DPP10: variants seen among roughly 807,000 people sequenced by gnomAD.
DPP10 encodes the protein inactive dipeptidyl peptidase 10.
A neutral mutation model predicts 120.9 loss-of-function variants in DPP10; 33 were observed. The observed-to-expected ratio is 0.27, with a 90% CI of 0.21 to 0.37. DPP10 has a LOEUF of 0.37. DPP10 is among the 10% of genes least tolerant of loss of function. The pLI is 1.00. For missense variants in DPP10, 816 were observed against 942.8 expected, an observed-to-expected ratio of 0.87 and a Z score of 1.76; for synonymous variants, 337 against 326.1, an observed-to-expected ratio of 1.03 and a Z score of -0.36.
chr2:115,211,238 A>AT (rs11457365), intron 1 of DPP10, among the ~76,000 whole-genome samples: 104,501 of 145,512 alleles, frequency 0.72, 37,614 homozygotes, highest in East Asian at 0.89. Context: ...GGTCTTACTG[A>AT]TTTTTTTTTT....
chr2:115,233,698 C>T (rs1439782443), intron 1 of DPP10, among the ~76,000 whole-genome samples: 1 of 152,180 alleles, frequency 6.6e-6, no homozygotes, highest in Non-Finnish European at 1.5e-5. Context: ...AAATTGACAG[C>T]AGAGTCTGCC....
At chr2:115,626,555 A>T (rs6542281) in intron 5 of DPP10, among the ~76,000 whole-genome samples, 41,053 of 151,944 alleles carry the variant, frequency 0.27, 8,657 homozygotes, top group African/African-American at 0.59. Flanking sequence ...CTTGTTTTTT[A>T]TTATAGTTGT....
At chr2:114,453,654 A>G (rs1678408468) in intron 1 of DPP10, among the ~76,000 whole-genome samples, 1 of 152,196 alleles carries the variant, frequency 6.6e-6, no homozygotes, top group African/African-American at 2.4e-5. Context: ...GATATGCAAC[A>G]GTTGACACTG....
chr2:115,538,257 G>GCCA (rs1292339448), intron 5 of DPP10, among the ~76,000 whole-genome samples: 2 of 151,952 alleles, frequency 1.3e-5, no homozygotes, highest in East Asian at 3.9e-4. Flanking sequence ...CTGAATACTA[G>GCCA]TTAGGTGTAG....
chr2:115,381,371 ACGTAGTTCT>A (rs2066338046), intron 3 of DPP10, among the ~76,000 whole-genome samples: 1 of 151,878 alleles, frequency 6.6e-6, no homozygotes, highest in Admixed American at 6.6e-5. Flanking sequence ...TGCACTCTTC[ACGTAGTTCT>A]CCAGCCTTGG....
intron 3 of DPP10, among the ~76,000 whole-genome samples, chr2:115,408,146 G>A (rs1234255547): frequency 6.6e-6 from 1 of 151,902 alleles, no homozygotes; most frequent in South Asian, 2.1e-4. Context: ...GTTCACAAGG[G>A]GACTTAGGTG....
chr2:114,481,572 G>C (rs1183212096), intron 1 of DPP10, among the ~76,000 whole-genome samples: 1 of 152,042 alleles, frequency 6.6e-6, no homozygotes, highest in Non-Finnish European at 1.5e-5. Context: ...GTACACAATA[G>C]CTTTACTTAA....
chr2:115,005,694 C>G (rs1353903029), intron 1 of DPP10, among the ~76,000 whole-genome samples: 1 of 151,934 alleles, frequency 6.6e-6, no homozygotes, highest in Non-Finnish European at 1.5e-5. Context: ...ATGAGCAAAG[C>G]CTCCAAGAAA....
At chr2:115,055,820 A>C (rs1015295766) in intron 1 of DPP10, among the ~76,000 whole-genome samples, 4 of 152,170 alleles carry the variant, frequency 2.6e-5, no homozygotes, top group African/African-American at 9.7e-5. Context: ...TAAAATTTTT[A>C]CTCTCATAAA....
At chr2:115,708,108 CAG>C (rs1033996778) in intron 7 of DPP10, among the ~76,000 whole-genome samples, 9 of 151,830 alleles carry the variant, frequency 5.9e-5, no homozygotes, top group Non-Finnish European at 8.8e-5. Flanking sequence ...CAAACATAAT[CAG>C]AGACAAAATA....
At chr2:115,414,911 G>T (rs1280544057) in intron 3 of DPP10, among the ~76,000 whole-genome samples, 1 of 152,098 alleles carries the variant, frequency 6.6e-6, no homozygotes, top group South Asian at 2.1e-4. Flanking sequence ...CACTACTGTT[G>T]ACCCCAATAT....
intron 1 of DPP10, among the ~76,000 whole-genome samples, chr2:114,656,191 T>G (rs2105514939): frequency 6.6e-6 from 1 of 152,274 alleles, no homozygotes; most frequent in Non-Finnish European, 1.5e-5. Context: ...TTGCAAAAAC[T>G]TTGGCCAAAT....
chr2:114,696,342 A>G (rs1700065829), intron 1 of DPP10, among the ~76,000 whole-genome samples: 1 of 152,090 alleles, frequency 6.6e-6, no homozygotes, highest in Admixed American at 6.6e-5. Context: ...AATCTTATAC[A>G]AGTTTAAAAG....
intron 1 of DPP10, among the ~76,000 whole-genome samples, chr2:114,448,745 T>C (rs1573375449): frequency 6.6e-6 from 1 of 152,304 alleles, no homozygotes; most frequent in East Asian, 1.9e-4. Context: ...GAATGATACT[T>C]AGGGTTATTA....
At chr2:114,720,469 T>C (rs563177279) in intron 1 of DPP10, among the ~76,000 whole-genome samples, 2 of 152,310 alleles carry the variant, frequency 1.3e-5, no homozygotes, top group South Asian at 2.1e-4. Flanking sequence ...TCTTCAGTTA[T>C]ATTTGGAAAG....
At chr2:114,531,635 ATTGG>A (rs3981257) in intron 1 of DPP10, among the ~76,000 whole-genome samples, 44,742 of 150,318 alleles carry the variant, frequency 0.3, 7,263 homozygotes, top group Non-Finnish European at 0.37. Context: ...CATATCTCCT[ATTGG>A]TTCTGTTTCT....
At chr2:115,679,009 C>G (rs2090470358) in intron 5 of DPP10, among the ~76,000 whole-genome samples, 1 of 152,152 alleles carries the variant, frequency 6.6e-6, no homozygotes, top group African/African-American at 2.4e-5. Context: ...GTGCCTATAC[C>G]CCCATTATAT....
intron 1 of DPP10, among the ~76,000 whole-genome samples, chr2:115,202,336 A>C (rs1483852292): frequency 6.6e-6 from 1 of 152,228 alleles, no homozygotes; most frequent in Non-Finnish European, 1.5e-5. Flanking sequence ...CTAGTTTGTC[A>C]CAAAATGAAA....
chr2:114,473,806 A>G (rs1447377599), intron 1 of DPP10, among the ~76,000 whole-genome samples: 1 of 152,218 alleles, frequency 6.6e-6, no homozygotes, highest in African/African-American at 2.4e-5. Context: ...AAGTAATGTA[A>G]ACACTGACAT....
Sources: allele counts gnomAD v4.1 joint callset (sites outside exome capture counted in the v4.1 genomes callset), GRCh38; gene constraint gnomAD v4.1.1; transcripts MANE v1.5; gene names NCBI Gene and HGNC (gene_info 2026-07-23, HGNC 2026-07-21).